The following SLC1A3 variants were observed in gnomAD, a reference collection of about 807,000 sequenced individuals.
SLC1A3 encodes solute carrier family 1 member 3.
A neutral mutation model predicts 48.1 loss-of-function variants in SLC1A3; 21 were observed. The observed-to-expected ratio is 0.44, with a 90% CI of 0.31 to 0.63. SLC1A3 has a LOEUF of 0.63. Ranked by LOEUF, SLC1A3 falls within the 20% of genes least tolerant of loss-of-function variation. The pLI is 0.08. For synonymous variants in SLC1A3, 239 were observed against 251.4 expected, an observed-to-expected ratio of 0.95 and a Z score of 0.47; for missense variants, 546 against 689.0, an observed-to-expected ratio of 0.79 and a Z score of 2.32.
chr5:36,670,885 G>A (rs1741962783), intron 3 of SLC1A3, 144 bp from the exon 4 acceptor site: 2 of 739,744 alleles, frequency 2.7e-6, no homozygotes, highest in Non-Finnish European at 4.7e-6. Context: ...TGAGATTTGG[G>A]GCCAGGTTCT....
intron 3 of SLC1A3, among the ~76,000 whole-genome samples, chr5:36,645,123 T>C (rs1162649458): frequency 1.3e-5 from 2 of 152,126 alleles, no homozygotes; most frequent in African/African-American, 4.8e-5. Flanking sequence ...TTATAATGCT[T>C]TTTATTATGA....
chr5:36,680,338 CAG>C, intron 7 of SLC1A3, 55 bp from the exon 8 acceptor site: 1 of 1,456,836 alleles, frequency 6.9e-7, no homozygotes, highest in Non-Finnish European at 9.6e-7. Context: ...ACCAAACGCA[CAG>C]ACAGTCAGAA....
In SLC1A3 at chr5:36,622,322, C is replaced by T. The variant is rs1310542383; in HGVS notation, c.182-7128C>T. ...TCTGAGCTCCTTTGGGGCACTACCT[C>T]GTTTTCTGGAAGATTTGGCGTAGTA... is the stretch of plus-strand genomic sequence containing the variant. On this transcript the variant is annotated intron_variant, in intron 2 of 9. Transcript: ENST00000265113. Among the ~76,000 whole-genome samples, 5 of 152,142 alleles carry T rather than the reference C, an allele frequency of 3.3e-5. No individual in the cohort carries two copies. The East Asian group carries it at 9.6e-4, about 29-fold the overall frequency.
intron 2 of SLC1A3, among the ~76,000 whole-genome samples, chr5:36,623,699 CAA>C (rs35449337): frequency 8.0e-5 from 10 of 125,048 alleles, no homozygotes; most frequent in Non-Finnish European, 7.0e-5. Flanking sequence ...ACTAAAAATA[CAA>C]AAAAAAAAAA....
intron 1 of SLC1A3, among the ~76,000 whole-genome samples, chr5:36,598,541 T>A: frequency 6.6e-6 from 1 of 152,236 alleles, no homozygotes; most frequent in Non-Finnish European, 1.5e-5. Context: ...TAAAGAGCAA[T>A]CACTTTCTAA....
intron 6 of SLC1A3, 53 bp downstream of exon 6, chr5:36,677,237 A>G (rs1580039174): frequency 1.3e-6 from 2 of 1,506,286 alleles, no homozygotes; most frequent in East Asian, 4.5e-5. Context: ...TATTGCCATC[A>G]ACATGTGTTC....
At chr5:36,680,662 A>T in intron 8 of SLC1A3, 73 bp downstream of exon 8, 1 of 1,311,578 alleles carries the variant, frequency 7.6e-7, no homozygotes, top group Non-Finnish European at 1.1e-6. Context: ...TCACGCCTGT[A>T]ATCCTAACAC....
intron 1 of SLC1A3, among the ~76,000 whole-genome samples, chr5:36,601,058 T>C (rs1356137795): frequency 1.3e-5 from 2 of 152,234 alleles, no homozygotes; most frequent in Non-Finnish European, 2.9e-5. Flanking sequence ...CAAAAAAATG[T>C]CCAAATGCGA....
chr5:36,619,272 A>G (rs1739570391), intron 2 of SLC1A3, among the ~76,000 whole-genome samples: 1 of 152,224 alleles, frequency 6.6e-6, no homozygotes, highest in South Asian at 2.1e-4. Context: ...AGTTTGACAG[A>G]AACAAAAGAC....
chr5:36,619,216 A>G (rs1188868859), intron 2 of SLC1A3, among the ~76,000 whole-genome samples: 1 of 152,224 alleles, frequency 6.6e-6, no homozygotes, highest in Non-Finnish European at 1.5e-5. Flanking sequence ...GAGGGTTAAG[A>G]GGTTGCCTCC....
At chr5:36,684,099 G>T in intron 9 of SLC1A3, 101 bp downstream of exon 9, 1 of 1,434,560 alleles carries the variant, frequency 7.0e-7, no homozygotes, top group Admixed American at 1.7e-5. Flanking sequence ...AGAACTCTGA[G>T]GAGAGGGGCC....
chr5:36,601,398 C>T (rs940713001), intron 1 of SLC1A3, among the ~76,000 whole-genome samples: 4 of 152,136 alleles, frequency 2.6e-5, no homozygotes, highest in Non-Finnish European at 4.4e-5. Flanking sequence ...CCGTTATTGG[C>T]ATGACATGAT....
chr5:36,622,345 G>C (rs1470584776), intron 2 of SLC1A3, among the ~76,000 whole-genome samples: 2 of 152,182 alleles, frequency 1.3e-5, no homozygotes, highest in African/African-American at 4.8e-5. Context: ...ATTTGGCGTA[G>C]TAATAACTCT....
intron 3 of SLC1A3, among the ~76,000 whole-genome samples, chr5:36,633,088 A>G (rs980848013): frequency 2.0e-5 from 3 of 152,250 alleles, no homozygotes; most frequent in African/African-American, 7.2e-5. Context: ...CAGCCAAACT[A>G]GAAATTTCAT....
intron 8 of SLC1A3, 139 bp downstream of exon 8, chr5:36,680,728 G>T: frequency 1.4e-6 from 1 of 734,952 alleles, no homozygotes; most frequent in Non-Finnish European, 2.4e-6. Flanking sequence ...GACTAGCCTG[G>T]CAACATAGTG....
At chr5:36,651,141 TAAAAAAAAA>T (rs58660599) in intron 3 of SLC1A3, among the ~76,000 whole-genome samples, 3 of 114,580 alleles carry the variant, frequency 2.6e-5, no homozygotes, top group African/African-American at 1.1e-4. Context: ...AAGTTTTTTT[TAAAAAAAAA>T]AAAAAAAAAA....
At chr5:36,633,390 G>A (rs1215570274) in intron 3 of SLC1A3, among the ~76,000 whole-genome samples, 5 of 152,170 alleles carry the variant, frequency 3.3e-5, no homozygotes. Context: ...GGTGAGAGAG[G>A]AGTGTCAACA....
chr5:36,624,818 A>G (rs1281462201), intron 2 of SLC1A3, among the ~76,000 whole-genome samples: 2 of 152,218 alleles, frequency 1.3e-5, no homozygotes, highest in Non-Finnish European at 2.9e-5. Flanking sequence ...TGGTATAGCC[A>G]TTTTTGAAAG....
At chr5:36,683,400 AT>A (rs11284735) in intron 8 of SLC1A3, among the ~76,000 whole-genome samples, 41,600 of 148,720 alleles carry the variant, frequency 0.28, 6,269 homozygotes, top group Admixed American at 0.4. Context: ...GATTAGTTCA[AT>A]TTTTTTTTTT....
Sources: allele counts gnomAD v4.1 joint callset (sites outside exome capture counted in the v4.1 genomes callset), GRCh38; gene constraint gnomAD v4.1.1; transcripts MANE v1.5; gene names NCBI Gene and HGNC (gene_info 2026-07-23, HGNC 2026-07-21).